UBE3A: variants seen among roughly 807,000 people sequenced by gnomAD.
UBE3A encodes the protein ubiquitin-protein ligase E3A.
A neutral mutation model predicts 83.4 loss-of-function variants in UBE3A; 6 were observed. The observed-to-expected ratio is 0.07, with a 90% CI of 0.04 to 0.14. The LOEUF (loss-of-function observed/expected upper bound fraction) is 0.14. Among genes scored for constraint, UBE3A ranks in the 10% least tolerant of loss-of-function variants. The probability of loss-of-function intolerance (pLI) is 1.00; values close to 1 mark genes in which losing one functional copy is unlikely to be tolerated. For missense variants in UBE3A, 456 were observed against 1,036.1 expected (o/e 0.44, Z 7.69); for synonymous variants, 337 against 355.4 (o/e 0.95, Z 0.58).
At chr15:25,425,666 C>T (rs769786573) in intron 1 of UBE3A, among the ~76,000 whole-genome samples, 9 of 151,820 alleles carry the variant, frequency 5.9e-5, no homozygotes, top group Admixed American at 2.0e-4. Context: ...GGCTATGAAG[C>T]GAAGAGAAAC....
At chr15:25,434,188 G>A (rs915465523) in intron 1 of UBE3A, among the ~76,000 whole-genome samples, 2 of 152,250 alleles carry the variant, frequency 1.3e-5, no homozygotes, top group African/African-American at 2.4e-5. Flanking sequence ...ACCTGTTATT[G>A]ATAACTCAGA....
intron 4 of UBE3A, among the ~76,000 whole-genome samples, chr15:25,378,546 T>C (rs60468744): frequency 0.051 from 7,770 of 152,182 alleles, 679 homozygotes; most frequent in African/African-American, 0.18. Flanking sequence ...ACATTGAGGA[T>C]TATCTTCAGT....
At chr15:25,434,599 C>G (rs1188422607) in intron 1 of UBE3A, among the ~76,000 whole-genome samples, 1 of 152,138 alleles carries the variant, frequency 6.6e-6, no homozygotes, top group East Asian at 1.9e-4. Context: ...TTTGTGAAGG[C>G]TGCCTTCTAT....
chr15:25,431,589 T>A (rs375265108), intron 1 of UBE3A, among the ~76,000 whole-genome samples: 1 of 152,108 alleles, frequency 6.6e-6, no homozygotes, highest in East Asian at 1.9e-4. Context: ...GTGATCCGTG[T>A]GCCTCGGCCT....
chr15:25,377,544 A>T (rs1327835317), intron 4 of UBE3A, among the ~76,000 whole-genome samples: 1 of 152,170 alleles, frequency 6.6e-6, no homozygotes, highest in Non-Finnish European at 1.5e-5. Context: ...GAAAATTTAA[A>T]ATATATATTG....
chr15:25,375,574 G>A lies in UBE3A; in HGVS notation c.252C>T (p.Pro84=). 6.2e-7 allele frequency: 1 copy of A among 1,614,156 alleles called. No homozygotes were observed. The highest frequency in any genetic ancestry group is 1.1e-5 in the South Asian group (1 of 91,080). Residue 84 remains proline (P), a synonymous_variant, in exon 5 of 13, where the codon CCC becomes CCT. Coordinates refer to ENST00000648336, the MANE Select transcript of UBE3A (RefSeq NM_130839.5). Reference sequence around the variant, plus strand: ...AAGCTGAGCTTGCTCCTTTCTTGGAGGGATGAGGATCACAGAGTTTTGCAT... The same window carrying A: ...AAGCTGAGCTTGCTCCTTTCTTGGAAGGATGAGGATCACAGAGTTTTGCAT... ...KINAKLCDPH[P]SKKGASSAYL...
chr15:25,360,668 A>C, intron 6 of UBE3A, 141 bp from the exon 7 acceptor site: 1 of 902,336 alleles, frequency 1.1e-6, no homozygotes, highest in Non-Finnish European at 1.7e-6. Flanking sequence ...AAGCAAACTG[A>C]TAAAAAGCCA....
At chr15:25,405,299 GTTATC>G (rs2088234438) in intron 4 of UBE3A, among the ~76,000 whole-genome samples, 157 bp downstream of exon 4, 1 of 152,066 alleles carries the variant, frequency 6.6e-6, no homozygotes, top group Non-Finnish European at 1.5e-5. Flanking sequence ...GAGGTTTAGA[GTTATC>G]TGATAGGAAA....
intron 6 of UBE3A, among the ~76,000 whole-genome samples, chr15:25,363,108 T>C (rs1030296696): frequency 1.3e-5 from 2 of 152,222 alleles, no homozygotes; most frequent in Admixed American, 6.5e-5. Flanking sequence ...TTTATCTTTA[T>C]TCTCCATAAA....
chr15:25,375,884 G>T (rs1046953472), intron 4 of UBE3A, 121 bp from the exon 5 acceptor site: 21 of 1,121,074 alleles, frequency 1.9e-5, no homozygotes, highest in Non-Finnish European at 2.6e-5. Flanking sequence ...GTATGAAGAT[G>T]AGAAGTAGAA....
chr15:25,364,675 G>A (rs1227572301), intron 6 of UBE3A, among the ~76,000 whole-genome samples: 2 of 139,278 alleles, frequency 1.4e-5, no homozygotes, highest in Non-Finnish European at 3.0e-5. Context: ...ACGGAGTCTC[G>A]CTCTGTCGCC....
chr15:25,396,001 A>G (rs149434083), intron 4 of UBE3A, among the ~76,000 whole-genome samples: 3,985 of 152,136 alleles, frequency 0.026, 65 homozygotes, highest in Middle Eastern at 0.034. Flanking sequence ...TCAGGAGTTC[A>G]AGACCAGCCT....
chr15:25,347,704 CAAAA>C (rs2075898428), intron 11 of UBE3A, among the ~76,000 whole-genome samples: 2 of 151,770 alleles, frequency 1.3e-5, no homozygotes, highest in South Asian at 4.2e-4. Flanking sequence ...TGTCTCGAAA[CAAAA>C]ACAAACAAAC....
chr15:25,381,406 A>C (rs987433054), intron 4 of UBE3A, among the ~76,000 whole-genome samples: 2 of 152,248 alleles, frequency 1.3e-5, no homozygotes, highest in African/African-American at 4.8e-5. Flanking sequence ...TTAGAATTAC[A>C]ATTAGAATCA....
intron 6 of UBE3A, among the ~76,000 whole-genome samples, chr15:25,362,838 A>G (rs1000766899): frequency 6.6e-6 from 1 of 152,198 alleles, no homozygotes; most frequent in African/African-American, 2.4e-5. Flanking sequence ...GTCAGTGTTT[A>G]TATTTACCTT....
At chr15:25,402,376 G>GT (rs1387876557) in intron 4 of UBE3A, among the ~76,000 whole-genome samples, 2 of 152,212 alleles carry the variant, frequency 1.3e-5, no homozygotes. Context: ...TGAAGGCTGG[G>GT]TAGGTGGATG....
intron 4 of UBE3A, among the ~76,000 whole-genome samples, chr15:25,390,351 T>A (rs2084064746): frequency 6.6e-6 from 1 of 152,126 alleles, no homozygotes; most frequent in South Asian, 2.1e-4. Flanking sequence ...CACCGATATC[T>A]ACAGCAGTTT....
At chr15:25,376,165 G>A (rs1207014977) in intron 4 of UBE3A, among the ~76,000 whole-genome samples, 1 of 152,098 alleles carries the variant, frequency 6.6e-6, no homozygotes, top group Non-Finnish European at 1.5e-5. Flanking sequence ...TCTATTTAAA[G>A]CATCAATCCG....
chr15:25,424,183 T>G (rs777036342), intron 1 of UBE3A, among the ~76,000 whole-genome samples: 1 of 152,130 alleles, frequency 6.6e-6, no homozygotes, highest in Non-Finnish European at 1.5e-5. Flanking sequence ...ATTCTCTCTA[T>G]TTCCCATCAA....
Sources: gnomAD v4.1 joint callset for allele counts (sites outside exome capture counted in the v4.1 genomes callset) on GRCh38, gnomAD v4.1.1 for gene constraint, MANE v1.5 for transcripts, NCBI Gene and HGNC (gene_info 2026-07-23, HGNC 2026-07-21) for gene names.